The following CASR variants were observed in gnomAD, a reference collection of about 807,000 sequenced individuals.
CASR encodes the protein extracellular calcium-sensing receptor.
In CASR, 23 loss-of-function variants were observed where a neutral mutation model predicts 69.1. That is an observed-to-expected ratio of 0.33 (90% confidence interval 0.24 to 0.47). The LOEUF (loss-of-function observed/expected upper bound fraction) is 0.47, where lower values mean the gene tolerates loss of function less well. Among genes scored for constraint, CASR ranks in the 20% least tolerant of loss-of-function variants. The pLI is 1.00. For synonymous variants in CASR, 541 were observed against 544.7 expected, an observed-to-expected ratio of 0.99 and a Z score of 0.10; for missense variants, 924 against 1,356.1, an observed-to-expected ratio of 0.68 and a Z score of 5.00.
rs1392268119 is a variant in CASR at position 122,290,906 on chromosome 3, T to A, written c.*5715T>A. The A allele has an allele frequency of 1.1e-4, 14 of 129,194 alleles. No homozygotes were observed. The highest frequency in any genetic ancestry group is 2.0e-4 in the Non-Finnish European group (13 of 63,592). 8.0% of individuals were successfully genotyped at this position (129,194 alleles called of 1,614,324 possible). A position where few individuals can be genotyped will look rare whatever the true frequency, so the allele number is the denominator to read the frequency against. ...CCCCCCACCCCACAATAGGCCCTGGTGTGTGATGTTCCCCTTCCTGTGTCC... is the reference window on the plus strand; with the variant it reads ...CCCCCCACCCCACAATAGGCCCTGGAGTGTGATGTTCCCCTTCCTGTGTCC... On this transcript the variant is annotated 3_prime_UTR_variant, in exon 7 of 7. Coordinates refer to ENST00000639785, the MANE Select transcript of CASR (RefSeq NM_000388.4).
chr3:122,220,625 T>A (rs886172063), intron 1 of CASR, among the ~76,000 whole-genome samples: 1 of 152,222 alleles, frequency 6.6e-6, no homozygotes, highest in Non-Finnish European at 1.5e-5. Flanking sequence ...TTCTAAACTC[T>A]CTGCTTTGGT....
chr3:122,241,945 A>G (rs1300624021), intron 1 of CASR, among the ~76,000 whole-genome samples: 3 of 152,152 alleles, frequency 2.0e-5, no homozygotes, highest in Non-Finnish European at 2.9e-5. Context: ...ATCGTTTTCA[A>G]TTGACACTGA....
At chr3:122,245,633 A>T (rs1356365622) in intron 1 of CASR, among the ~76,000 whole-genome samples, 1 of 152,176 alleles carries the variant, frequency 6.6e-6, no homozygotes, top group Admixed American at 6.5e-5. Context: ...TTAAAGTATA[A>T]TAATAAAAAA....
intron 1 of CASR, among the ~76,000 whole-genome samples, chr3:122,243,645 C>T (rs144693368): frequency 0.02 from 3,098 of 152,098 alleles, 108 homozygotes; most frequent in African/African-American, 0.071. Flanking sequence ...AATAGAGCTA[C>T]CATACAATCC....
Position 122,286,198 on chromosome 3 carries a change from C to A in CASR, c.*1007C>A, listed in dbSNP as rs1294741378. On this transcript the variant is annotated 3_prime_UTR_variant, in exon 7 of 7. Coordinates refer to ENST00000639785, the MANE Select transcript of CASR (RefSeq NM_000388.4). ...CGTGGTTCCAAGAAAGATCCACCCTCAAATGTCAGAGCTATGTTCCCTCCA... is the reference window on the plus strand; with the variant it reads ...CGTGGTTCCAAGAAAGATCCACCCTAAAATGTCAGAGCTATGTTCCCTCCA... 6.6e-6 allele frequency: 1 copy of A among 152,248 alleles called. No homozygotes were observed. The highest frequency in any genetic ancestry group is 6.5e-5 in the Admixed American group (1 of 15,284). The allele number at this position is 152,248 out of a possible 1,614,324, so 9.4% of individuals were successfully genotyped here.
chr3:122,285,462 G>A lies in CASR; in HGVS notation c.*271G>A. On this transcript the variant is annotated 3_prime_UTR_variant, in exon 7 of 7. Coordinates refer to ENST00000639785, the MANE Select transcript of CASR (RefSeq NM_000388.4). Reference sequence around the variant, plus strand: ...GATTTGCTGTTCACCCACATCTAATGTCTCTTCCTCTGTTCTATCCCACCC... The same window carrying A: ...GATTTGCTGTTCACCCACATCTAATATCTCTTCCTCTGTTCTATCCCACCC... 3 of 445,190 alleles carry A rather than the reference G, an allele frequency of 6.7e-6. No homozygotes were observed. Among genetic ancestry groups the A allele is most frequent in the Non-Finnish European group, 1.2e-5 (3 of 240,422 alleles). The allele number at this position is 445,190 out of a possible 1,614,324, so 27.6% of individuals were successfully genotyped here.
At chr3:122,264,907 T>C (rs2074672713) in intron 4 of CASR, among the ~76,000 whole-genome samples, 1 of 152,194 alleles carries the variant, frequency 6.6e-6, no homozygotes, top group Non-Finnish European at 1.5e-5. Context: ...TCACCTATAA[T>C]CTAATCCAAG....
At chr3:122,238,392 C>T (rs900946133) in intron 1 of CASR, among the ~76,000 whole-genome samples, 1 of 152,200 alleles carries the variant, frequency 6.6e-6, no homozygotes, top group African/African-American at 2.4e-5. Context: ...AGGGGAATCA[C>T]CCACCTAAGC....
chr3:122,291,428 G>A lies in CASR; in HGVS notation c.*6237G>A, dbSNP rs896797640. The A allele has an allele frequency of 1.6e-4, 24 of 152,022 alleles. No individual in the cohort carries two copies. Among genetic ancestry groups the A allele is most frequent in the Middle Eastern group, 6.8e-3 (2 of 292 alleles). The allele number at this position is 152,022 out of a possible 1,614,324, so 9.4% of individuals were successfully genotyped here. A position where few individuals can be genotyped will look rare whatever the true frequency, so the allele number is the denominator to read the frequency against. ...CTTTTTAATGATCGCCATTCTAACT[G>A]GTGTGAGATGGTATCTCATTGTGGT... On this transcript the variant is annotated 3_prime_UTR_variant, in exon 7 of 7. Transcript: ENST00000639785.
At chr3:122,186,890 C>A (rs1242835974) in intron 1 of CASR, among the ~76,000 whole-genome samples, 2 of 152,206 alleles carry the variant, frequency 1.3e-5, no homozygotes, top group African/African-American at 4.8e-5. Flanking sequence ...ACTACATGAG[C>A]ACATGTGCCA....
At chr3:122,192,561 A>T (rs1449433344) in intron 1 of CASR, among the ~76,000 whole-genome samples, 1 of 152,200 alleles carries the variant, frequency 6.6e-6, no homozygotes, top group Non-Finnish European at 1.5e-5. Flanking sequence ...GATTCTCTTT[A>T]TGAATTAATA....
At chr3:122,255,822 C>G (rs2074548914) in intron 2 of CASR, among the ~76,000 whole-genome samples, 1 of 152,118 alleles carries the variant, frequency 6.6e-6, no homozygotes, top group African/African-American at 2.4e-5. Flanking sequence ...CTTAGGGAAC[C>G]TAACAATACA....
rs193142767 is a variant in CASR at position 122,200,573 on chromosome 3, A to G, written c.-243+16761A>G. Among the ~76,000 whole-genome samples, 198 of 152,272 alleles carry G rather than the reference A, an allele frequency of 1.3e-3. 5 individuals are homozygous for G. Among genetic ancestry groups the G allele is most frequent in the Admixed American group, 0.012 (188 of 15,298 alleles). ...ATGTTAATGACTATCACTGTAGTTT[A>G]TTCATTTTTACTGCTGTTTAGAATT... On this transcript the variant is annotated intron_variant, in intron 1 of 6. Transcript: ENST00000639785.
chr3:122,285,108 C>T lies in CASR; in HGVS notation c.3154C>T (p.Pro1052Ser). 1 of 1,614,176 alleles carries T rather than the reference C, an allele frequency of 6.2e-7. No individual in the cohort carries two copies. The highest frequency in any genetic ancestry group is 8.5e-7 in the Non-Finnish European group (1 of 1,180,018). ...GGTGGAGGACCCTGAAGAGTTGTCC[C>T]CAGCACTTGTAGTGTCCAGTTCACA... is the stretch of plus-strand genomic sequence containing the variant. ...PEVEDPEELS[P>S]ALVVSSSQSF... Residue 1052 changes from proline (P) to serine (S), a missense_variant, in exon 7 of 7, where the codon CCA becomes TCA. By Grantham distance (74) the Pro-to-Ser change is moderately conservative. Transcript: ENST00000639785.
In CASR at chr3:122,283,869, A is replaced by C; in HGVS notation, c.1915A>C (p.Asn639His). The C allele has an allele frequency of 6.2e-7, 1 of 1,613,750 alleles. No homozygotes were observed. Among genetic ancestry groups the C allele is most frequent in the South Asian group, 1.1e-5 (1 of 91,060 alleles). ...GCTGGGTGTGTTTATCAAGTTCCGC[A>C]ACACACCCATTGTCAAGGCCACCAA... is the stretch of plus-strand genomic sequence containing the variant. ...FVLGVFIKFR[N>H]TPIVKATNRE... is the part of the protein sequence containing the mutation. The change falls in exon 7 of 7, where the codon AAC becomes CAC. Residue 639 changes from asparagine (N) to histidine (H), a missense_variant. This residue lies in a region of CASR where 184 missense variants were observed against 278.8 expected (regional missense o/e 0.66). Coordinates refer to ENST00000639785, the MANE Select transcript of CASR (RefSeq NM_000388.4).
intron 1 of CASR, among the ~76,000 whole-genome samples, chr3:122,214,294 T>C (rs1188234749): frequency 6.6e-6 from 1 of 151,946 alleles, no homozygotes; most frequent in Non-Finnish European, 1.5e-5. Context: ...TCAGAACTTC[T>C]TTTAAAATAT....
chr3:122,218,269 C>A (rs766784690), intron 1 of CASR, among the ~76,000 whole-genome samples: 1 of 152,068 alleles, frequency 6.6e-6, no homozygotes, highest in African/African-American at 2.4e-5. Context: ...AGCATGGTAG[C>A]TCACACCTGT....
At chr3:122,264,005 A>G (rs896544860) in intron 4 of CASR, among the ~76,000 whole-genome samples, 11 of 152,152 alleles carry the variant, frequency 7.2e-5, no homozygotes, top group African/African-American at 2.4e-4. Flanking sequence ...TTGAAGGAAA[A>G]ACAGGCTTCA....
intron 1 of CASR, among the ~76,000 whole-genome samples, chr3:122,197,702 T>C (rs2073903447): frequency 2.0e-5 from 3 of 152,198 alleles, no homozygotes. Context: ...CATATTGATC[T>C]CCTAAACTCA....
Sources: allele counts gnomAD v4.1 joint callset (sites outside exome capture counted in the v4.1 genomes callset), GRCh38; gene constraint gnomAD v4.1.1; regional missense constraint gnomAD v4.1.1; transcripts MANE v1.5; gene names NCBI Gene and HGNC (gene_info 2026-07-23, HGNC 2026-07-21).